The following LAMP1 variants were observed in gnomAD, a reference collection of about 807,000 sequenced individuals.
The protein encoded by LAMP1 is lysosome-associated membrane glycoprotein 1.
A neutral mutation model predicts 37.5 loss-of-function variants in LAMP1; 7 were observed. The ratio of observed to expected loss-of-function variants is 0.19; its 90% CI spans 0.11 to 0.35. The LOEUF is 0.35. LAMP1 is among the 10% of genes least tolerant of loss of function. LAMP1 has a pLI of 1.00. For missense variants in LAMP1, 537 were observed against 552.8 expected (o/e 0.97, Z 0.29); for synonymous variants, 236 against 229.1 (o/e 1.03, Z -0.27).
intron 3 of LAMP1, among the ~76,000 whole-genome samples, chr13:113,310,144 G>T (rs1486990833): frequency 1.3e-5 from 2 of 151,328 alleles, no homozygotes; most frequent in Admixed American, 6.6e-5. Flanking sequence ...CAGGAGAATC[G>T]CTTGAACCCA....
chr13:113,297,568 G>T lies in LAMP1; in HGVS notation c.61+73G>T. On this transcript the variant is annotated intron_variant, in intron 1 of 8. Transcript: ENST00000332556. The surrounding 1 kb of genome is among the most constrained non-coding windows in gnomAD (Gnocchi z 4.4). ...CGAGGTCCCTGGGTCTTGAGGGCGGGGGACTGCCGGGTCGTTGTCCCGCGG... is the reference window on the plus strand; with the variant it reads ...CGAGGTCCCTGGGTCTTGAGGGCGGTGGACTGCCGGGTCGTTGTCCCGCGG... 1 of 1,190,110 alleles carries T rather than the reference G, an allele frequency of 8.4e-7. No homozygotes were observed. 73.7% of individuals were successfully genotyped at this position (1,190,110 alleles called of 1,614,324 possible).
intron 4 of LAMP1, among the ~76,000 whole-genome samples, chr13:113,314,141 T>C (rs1325650424): frequency 1.8e-5 from 2 of 111,618 alleles, no homozygotes; most frequent in Non-Finnish European, 1.7e-5. Context: ...GGAGTCAGTG[T>C]GGAGATGCCC....
chr13:113,320,020 T>G lies in LAMP1; in HGVS notation c.751-325T>G, dbSNP rs891068385. 6.6e-6 allele frequency among the ~76,000 whole-genome samples: 1 copy of G among 152,200 alleles called. No individual in the cohort carries two copies. Among genetic ancestry groups the G allele is most frequent in the Non-Finnish European group, 1.5e-5 (1 of 68,030 alleles). ...TAGTTTTCTTTTGAAATAGTTTTTC[T>G]CCCCTAGTAGTGACAGGCTGTGGGG... is the stretch of plus-strand genomic sequence containing the variant. On this transcript the variant is annotated intron_variant, in intron 5 of 8. Transcript: ENST00000332556. This position sits in a 1 kb window ranked among gnomAD's most constrained non-coding sequence, Gnocchi z 4.4.
At chr13:113,310,176 C>T (rs1217674997) in intron 3 of LAMP1, among the ~76,000 whole-genome samples, 1 of 151,880 alleles carries the variant, frequency 6.6e-6, no homozygotes. Flanking sequence ...TTGCAGTGAG[C>T]CGAGATGGTG....
chr13:113,320,724 C>T lies in LAMP1; in HGVS notation c.876+254C>T, dbSNP rs898350302. On this transcript the variant is annotated intron_variant, in intron 6 of 8. Transcript: ENST00000332556. This position sits in a 1 kb window ranked among gnomAD's most constrained non-coding sequence, Gnocchi z 4.4. ...TGGCTGCAGGGGAGGGCATGCAGGC[C>T]GTGCGGCCTTCTGGCTTCAGATGCT... is the stretch of plus-strand genomic sequence containing the variant. 1.6e-5 allele frequency: 8 copies of T among 485,928 alleles called. No individual in the cohort carries two copies. The highest frequency in any genetic ancestry group is 3.3e-5 in the East Asian group (1 of 29,872). 30.1% of individuals were successfully genotyped at this position (485,928 alleles called of 1,614,324 possible).
chr13:113,310,681 A>G, intron 3 of LAMP1, 28 bp from the exon 4 acceptor site: 4 of 1,452,902 alleles, frequency 2.8e-6, no homozygotes, highest in Non-Finnish European at 3.7e-6. Context: ...GTAGTTTGCA[A>G]TTGTGATTTT....
At chr13:113,315,185 G>A (rs1307668761) in intron 4 of LAMP1, among the ~76,000 whole-genome samples, 10 of 148,688 alleles carry the variant, frequency 6.7e-5, no homozygotes, top group Non-Finnish European at 1.2e-4. Context: ...GCCTCCCGGA[G>A]GGAGTCAGTG....
At chr13:113,300,473 C>T (rs969637468) in intron 1 of LAMP1, among the ~76,000 whole-genome samples, 8 of 124,762 alleles carry the variant, frequency 6.4e-5, no homozygotes, top group African/African-American at 9.7e-5. Flanking sequence ...GCAACAAAAT[C>T]GAAACTCAAT....
rs1452467086 is a variant in LAMP1 at position 113,320,336 on chromosome 13, C to T, written c.751-9C>T. On this transcript the variant is annotated splice_polypyrimidine_tract_variant and intron_variant, in intron 5 of 8. Transcript: ENST00000332556. The surrounding 1 kb of genome is among the most constrained non-coding windows in gnomAD (Gnocchi z 4.4). ...CTAGGGTGGTGACTTGCTTGCTTGT[C>T]TTATGCAGACGGTGACAAGGCTTCT... The T allele has an allele frequency of 5.6e-6, 9 of 1,614,044 alleles. 1 individual carries two copies. In the South Asian group the frequency reaches 9.9e-5, roughly 18 times the overall value.
At chr13:113,302,142 C>T (rs1452243267) in intron 1 of LAMP1, among the ~76,000 whole-genome samples, 1 of 152,016 alleles carries the variant, frequency 6.6e-6, no homozygotes, top group Non-Finnish European at 1.5e-5. Context: ...GGATTACAGG[C>T]GGTAGCCACC....
intron 5 of LAMP1, 27 bp downstream of exon 5, chr13:113,319,683 G>T: frequency 6.3e-7 from 1 of 1,599,356 alleles, no homozygotes; most frequent in Non-Finnish European, 8.5e-7. Context: ...ACCTGGGAGA[G>T]GGGGACGGCA....
chr13:113,320,428 G>A lies in LAMP1; in HGVS notation c.834G>A (p.Leu278=), dbSNP rs903308590. 6.8e-6 allele frequency: 11 copies of A among 1,611,350 alleles called. No homozygotes were observed. Among genetic ancestry groups the A allele is most frequent in the Admixed American group, 1.7e-5 (1 of 59,990 alleles). ...SCGAHLVTLE[L]HSEGTTVLLF... The stretch of plus-strand genomic sequence containing the variant: ...GCGCCCACCTGGTGACTCTGGAGCT[G>A]CACAGCGAGGGCACCACCGTCCTGC... The change falls in exon 6 of 9, where the codon CTG becomes CTA. Residue 278 remains leucine, a synonymous_variant. Coordinates refer to ENST00000332556, the MANE Select transcript of LAMP1 (RefSeq NM_005561.4). The surrounding 1 kb of genome is among the most constrained non-coding windows in gnomAD (Gnocchi z 4.4).
At position 113,322,253 on chromosome 13, in the gene LAMP1, G is replaced by T. The variant is rs777371946; in HGVS notation, c.1115-29G>T. 5.9e-5 allele frequency: 95 copies of T among 1,597,284 alleles called. 1 individual carries two copies. Among genetic ancestry groups the T allele is most frequent in the Middle Eastern group, 4.3e-4 (2 of 4,610 alleles). ...GTTTGCAGGCCCCTGTGTGAGCAGAGCCCTGACACCATCCGTCTGTCTTGG... is the reference window on the plus strand; with the variant it reads ...GTTTGCAGGCCCCTGTGTGAGCAGATCCCTGACACCATCCGTCTGTCTTGG... On this transcript the variant is annotated intron_variant, in intron 8 of 8. Transcript: ENST00000332556.
At chr13:113,307,330 G>A (rs1418457728) in intron 2 of LAMP1, among the ~76,000 whole-genome samples, 1 of 151,314 alleles carries the variant, frequency 6.6e-6, no homozygotes, top group East Asian at 1.9e-4. Flanking sequence ...GCTGATTTTT[G>A]TATTTTTGGT....
intron 1 of LAMP1, among the ~76,000 whole-genome samples, chr13:113,302,008 A>G (rs2042577485): frequency 6.6e-6 from 1 of 151,374 alleles, no homozygotes; most frequent in Non-Finnish European, 1.5e-5. Context: ...GATTACAGGC[A>G]TGCGCCACCA....
At chr13:113,304,474 T>C (rs1190308050) in intron 1 of LAMP1, among the ~76,000 whole-genome samples, 1 of 152,244 alleles carries the variant, frequency 6.6e-6, no homozygotes, top group African/African-American at 2.4e-5. Flanking sequence ...TAGAAACCTT[T>C]ACTATGTCAA....
chr13:113,309,252 C>T (rs546854682), intron 2 of LAMP1, among the ~76,000 whole-genome samples: 1 of 152,112 alleles, frequency 6.6e-6, no homozygotes, highest in East Asian at 1.9e-4. Context: ...AGGCAGACAC[C>T]ACCATGTCTG....
intron 4 of LAMP1, among the ~76,000 whole-genome samples, chr13:113,317,761 A>G (rs7981745): frequency 0.079 from 11,715 of 147,396 alleles, 1,449 homozygotes; most frequent in African/African-American, 0.27. Context: ...ATAACTGCTC[A>G]CTGCAGCCTC....
intron 1 of LAMP1, 48 bp from the exon 2 acceptor site, chr13:113,306,437 A>G (rs748553310): frequency 6.3e-7 from 1 of 1,590,852 alleles, no homozygotes; most frequent in South Asian, 1.1e-5. Context: ...ACTCGGTCGT[A>G]TTTTCTGGAC....
Sources: allele counts gnomAD v4.1 joint callset (sites outside exome capture counted in the v4.1 genomes callset), GRCh38; gene constraint gnomAD v4.1.1; non-coding constraint Gnocchi (gnomAD v3.1); transcripts MANE v1.5; gene names NCBI Gene and HGNC (gene_info 2026-07-23, HGNC 2026-07-21).